The following BMPR1B variants were observed in gnomAD, a reference collection of about 807,000 sequenced individuals.
The protein encoded by BMPR1B is bone morphogenetic protein receptor type-1B.
Under a neutral mutation model 59.1 loss-of-function variants are expected in BMPR1B, and 12 were observed. The observed-to-expected ratio is 0.20, with a 90% CI of 0.13 to 0.33. BMPR1B has a LOEUF of 0.33. Among genes scored for constraint, BMPR1B ranks in the 10% least tolerant of loss-of-function variants. The probability of loss-of-function intolerance (pLI) is 1.00; values close to 1 mark genes in which losing one functional copy is unlikely to be tolerated. For missense variants in BMPR1B, 550 were observed against 610.9 expected (o/e 0.90, Z 1.05); for synonymous variants, 237 against 207.3 (o/e 1.14, Z -1.23).
rs564832917 is a variant in BMPR1B, at chr4:95,012,471, GTAAT to G, written c.-18+16349_-18+16352del. Among the ~76,000 whole-genome samples, 281 of 152,228 alleles carry G rather than the reference GTAAT, an allele frequency of 1.8e-3. 1 individual carries two copies. The highest frequency in any genetic ancestry group is 6.3e-3 in the African/African-American group (263 of 41,542). The stretch of plus-strand genomic sequence containing the variant: ...TTGTGAATTATTATTTCAATATGTT[GTAAT>G]TAATTAATTAAAGAGAAATTGATTC... On this transcript the variant is annotated intron_variant, in intron 3 of 12. Coordinates refer to ENST00000515059, the MANE Select transcript of BMPR1B (RefSeq NM_001203.3).
At chr4:94,972,556 A>G (rs1730849192) in intron 2 of BMPR1B, among the ~76,000 whole-genome samples, 2 of 151,824 alleles carry the variant, frequency 1.3e-5, no homozygotes, top group South Asian at 4.1e-4. Context: ...CCTTGAACTT[A>G]TCTCAGGTTT....
intron 2 of BMPR1B, among the ~76,000 whole-genome samples, chr4:94,897,941 C>CTTT (rs869186341): frequency 2.2e-3 from 199 of 90,278 alleles, no homozygotes; most frequent in African/African-American, 3.6e-3. Flanking sequence ...AATTCTTTTC[C>CTTT]TTTTTTTTTT....
At chr4:95,143,969 A>C (rs1734440146) in intron 10 of BMPR1B, among the ~76,000 whole-genome samples, 1 of 151,752 alleles carries the variant, frequency 6.6e-6, no homozygotes, top group Non-Finnish European at 1.5e-5. Context: ...AAGATAGTAC[A>C]TAAAATTTAG....
chr4:95,044,055 T>C (rs1725861565), intron 3 of BMPR1B, among the ~76,000 whole-genome samples: 1 of 152,206 alleles, frequency 6.6e-6, no homozygotes, highest in Admixed American at 6.5e-5. Context: ...GTTTTTGAAA[T>C]ATATACTTAA....
Position 95,129,951 on chromosome 4 carries a change from C to G in BMPR1B, c.675C>G (p.Gly225=). The G allele has an allele frequency of 1.2e-6, 2 of 1,613,768 alleles. No homozygotes were observed. The highest frequency in any genetic ancestry group is 1.7e-6 in the Non-Finnish European group (2 of 1,179,882). ...YGEVWMGKWR[G]EKVAVKVFFT... Reference sequence around the variant, plus strand: ...AAGTTTGGATGGGAAAGTGGCGTGGCGAAAAGGTAGCTGTGAAAGTGTTCT... The same window carrying G: ...AAGTTTGGATGGGAAAGTGGCGTGGGGAAAAGGTAGCTGTGAAAGTGTTCT... The change falls in exon 9 of 13, where the codon GGC becomes GGG. Residue 225 remains glycine (G), a synonymous_variant. Coordinates refer to ENST00000515059, the MANE Select transcript of BMPR1B (RefSeq NM_001203.3).
At chr4:95,140,303 G>T (rs1041909496) in intron 10 of BMPR1B, among the ~76,000 whole-genome samples, 1 of 152,118 alleles carries the variant, frequency 6.6e-6, no homozygotes. Flanking sequence ...ATGGAACACA[G>T]GATGAAGGAA....
At chr4:94,907,744 T>C (rs1728102358) in intron 2 of BMPR1B, among the ~76,000 whole-genome samples, 1 of 151,994 alleles carries the variant, frequency 6.6e-6, no homozygotes, top group South Asian at 2.1e-4. Context: ...GTCATTAATC[T>C]ATTAATTCAT....
intron 3 of BMPR1B, among the ~76,000 whole-genome samples, chr4:94,998,819 T>C (rs1578902374): frequency 6.6e-6 from 1 of 152,316 alleles, no homozygotes; most frequent in South Asian, 2.1e-4. Context: ...CTTCTACTTT[T>C]GTTCTATATT....
At chr4:95,047,072 T>C (rs2149181462) in intron 3 of BMPR1B, among the ~76,000 whole-genome samples, 1 of 152,332 alleles carries the variant, frequency 6.6e-6, no homozygotes, top group Non-Finnish European at 1.5e-5. Flanking sequence ...TTTTATTTTA[T>C]AATTGATTTA....
chr4:95,064,114 A>T (rs1028510207), intron 3 of BMPR1B, among the ~76,000 whole-genome samples: 4 of 152,180 alleles, frequency 2.6e-5, no homozygotes, highest in African/African-American at 7.2e-5. Flanking sequence ...ATATGGAAAT[A>T]TTCATAAGAT....
intron 3 of BMPR1B, among the ~76,000 whole-genome samples, chr4:95,068,309 T>G (rs952313770): frequency 6.6e-6 from 1 of 152,214 alleles, no homozygotes; most frequent in Non-Finnish European, 1.5e-5. Flanking sequence ...TAGCTTTTCC[T>G]TGTCTCTCAC....
intron 2 of BMPR1B, among the ~76,000 whole-genome samples, chr4:94,898,089 C>T (rs964760532): frequency 2.0e-5 from 3 of 151,090 alleles, no homozygotes; most frequent in Non-Finnish European, 4.4e-5. Flanking sequence ...TGGGACTACA[C>T]GTGCATGCTA....
chr4:95,149,057 T>C, intron 11 of BMPR1B, 134 bp downstream of exon 11: 1 of 1,140,724 alleles, frequency 8.8e-7, no homozygotes, highest in Non-Finnish European at 1.3e-6. Flanking sequence ...GTTGATGCAG[T>C]CATAGTGCTT....
At chr4:94,966,564 A>G (rs1487445577) in intron 2 of BMPR1B, among the ~76,000 whole-genome samples, 1 of 152,182 alleles carries the variant, frequency 6.6e-6, no homozygotes, top group Non-Finnish European at 1.5e-5. Flanking sequence ...AAAATTGGTC[A>G]CAATACTTTT....
chr4:94,975,837 G>C (rs914210988), intron 2 of BMPR1B, among the ~76,000 whole-genome samples: 2 of 152,114 alleles, frequency 1.3e-5, no homozygotes, highest in African/African-American at 4.8e-5. Flanking sequence ...GCTGTTTTCA[G>C]TTGTTTCTGT....
At chr4:94,951,793 CCTT>C (rs1729949289) in intron 2 of BMPR1B, among the ~76,000 whole-genome samples, 1 of 152,074 alleles carries the variant, frequency 6.6e-6, no homozygotes, top group South Asian at 2.1e-4. Flanking sequence ...AGGGAGGAGT[CCTT>C]CTTTTTCTTT....
At chr4:94,868,135 T>C in intron 1 of BMPR1B, among the ~76,000 whole-genome samples, 1 of 151,982 alleles carries the variant, frequency 6.6e-6, no homozygotes, top group African/African-American at 2.4e-5. Flanking sequence ...AGTGCTGGGA[T>C]TACAGGTGCG....
intron 2 of BMPR1B, among the ~76,000 whole-genome samples, chr4:94,918,377 C>A (rs1051263647): frequency 3.3e-5 from 5 of 151,988 alleles, no homozygotes; most frequent in Admixed American, 6.6e-5. Context: ...TTCATTGTTA[C>A]AAAGAAATGC....
chr4:94,887,651 C>G (rs1274352678), intron 2 of BMPR1B, among the ~76,000 whole-genome samples: 1 of 151,388 alleles, frequency 6.6e-6, no homozygotes, highest in African/African-American at 2.4e-5. Flanking sequence ...AGAATAGATT[C>G]AAATGAAAAT....
Sources: gnomAD v4.1 joint callset for allele counts (sites outside exome capture counted in the v4.1 genomes callset) on GRCh38, gnomAD v4.1.1 for gene constraint, MANE v1.5 for transcripts, NCBI Gene and HGNC (gene_info 2026-07-23, HGNC 2026-07-21) for gene names.